The following DZIP1L variants were observed in gnomAD, a reference collection of about 807,000 sequenced individuals.
The protein encoded by DZIP1L is DAZ interacting zinc finger protein 1 like, also known as cilium assembly protein DZIP1L.
Under a neutral mutation model 88.7 loss-of-function variants are expected in DZIP1L, and 90 were observed. The observed-to-expected ratio is 1.02, with a 90% CI of 0.86 to 1.21. The LOEUF (loss-of-function observed/expected upper bound fraction) is 1.21, where lower values mean the gene tolerates loss of function less well. DZIP1L is among the 50% of genes most tolerant of loss of function. The probability of loss-of-function intolerance (pLI) is 0.00; values close to 1 mark genes in which losing one functional copy is unlikely to be tolerated. For synonymous variants in DZIP1L, 363 were observed against 372.1 expected, an observed-to-expected ratio of 0.98 and a Z score of 0.28; for missense variants, 932 against 955.8, an observed-to-expected ratio of 0.98 and a Z score of 0.33.
intron 12 of DZIP1L, chr3:138,068,934 G>C (rs1428977945): frequency 3.2e-6 from 4 of 1,248,828 alleles, no homozygotes; most frequent in African/African-American, 3.1e-5. Flanking sequence ...AGTTTTTATG[G>C]GAAGAGAAGA....
At chr3:138,085,491 C>G (rs1943885086) in intron 7 of DZIP1L, among the ~76,000 whole-genome samples, 1 of 152,130 alleles carries the variant, frequency 6.6e-6, no homozygotes, top group Admixed American at 6.5e-5. Flanking sequence ...ATGCAACCAA[C>G]AGACACATGA....
chr3:138,087,053 G>A (rs745444439), intron 6 of DZIP1L, 30 bp from the exon 7 acceptor site: 7 of 1,607,176 alleles, frequency 4.4e-6, no homozygotes, highest in Non-Finnish European at 5.1e-6. Context: ...TATCAAATGG[G>A]CCCTTGCAGG....
chr3:138,068,051 C>G (rs572529891), intron 13 of DZIP1L, 100 bp downstream of exon 13: 2 of 1,077,976 alleles, frequency 1.9e-6, no homozygotes, highest in East Asian at 3.1e-5. Flanking sequence ...TGTCTGCCCC[C>G]CTCCTATCTG....
intron 1 of DZIP1L, among the ~76,000 whole-genome samples, chr3:138,105,642 G>A (rs1188322152): frequency 1.3e-5 from 2 of 151,958 alleles, no homozygotes; most frequent in Admixed American, 6.6e-5. Flanking sequence ...CAGTACAGAA[G>A]AAACTATCCT....
chr3:138,088,423 G>A lies in DZIP1L; in HGVS notation c.955C>T (p.Gln319Ter). The A allele has an allele frequency of 6.2e-7, 1 of 1,613,728 alleles. No individual in the cohort carries two copies. The highest frequency in any genetic ancestry group is 1.1e-5 in the South Asian group (1 of 91,014). Residue 319 changes from glutamine (Q) to a stop codon, truncating the protein, a stop_gained, in exon 6 of 16, where the codon CAG becomes TAG. Coordinates refer to ENST00000327532, the MANE Select transcript of DZIP1L (RefSeq NM_173543.3). LOFTEE classifies it high-confidence loss of function. ...CTCAGGGCCTGAAGCTCCCGTGCCT[G>A]CCGAAGCCACTCCTCTGACTCCTCA... is the stretch of plus-strand genomic sequence containing the variant. ...RDEESEEWLR[Q>*]ARELQALREK...
intron 14 of DZIP1L, among the ~76,000 whole-genome samples, chr3:138,065,071 G>C (rs1345885068): frequency 6.6e-6 from 1 of 152,218 alleles, no homozygotes; most frequent in African/African-American, 2.4e-5. Context: ...TGCTCAGTGT[G>C]GGGAATGAAC....
At position 138,094,946 on chromosome 3, in the gene DZIP1L, C is replaced by T. The variant is rs577466300; in HGVS notation, c.624G>A (p.Val208=). Residue 208 remains valine (V), a synonymous_variant, in exon 4 of 16, where the codon GTG becomes GTA. Transcript: ENST00000327532. ...QKKQEQPVEE[V]LEELRAKLKW... ...TTAGCTTGGCCCGTAGCTCTTCTAA[C>T]ACCTCTTCCACTGGCTGTTCCTGTT... 3 of 1,614,280 alleles carry T rather than the reference C, an allele frequency of 1.9e-6. No individual in the cohort carries two copies. Among genetic ancestry groups the T allele is most frequent in the South Asian group, 1.1e-5 (1 of 91,092 alleles).
intron 11 of DZIP1L, among the ~76,000 whole-genome samples, chr3:138,075,536 T>C (rs775355924): frequency 2.0e-5 from 3 of 152,206 alleles, no homozygotes; most frequent in Non-Finnish European, 2.9e-5. Flanking sequence ...GGAAATTAAA[T>C]AACCTGTTCC....
chr3:138,103,564 G>A lies in DZIP1L; in HGVS notation c.408C>T (p.Leu136=). Residue 136 remains leucine, a synonymous_variant, in exon 2 of 16, where the codon CTC becomes CTT. Coordinates refer to ENST00000327532, the MANE Select transcript of DZIP1L (RefSeq NM_173543.3). ...QQELGRQADE[L]KGVREESRRR... is the part of the protein sequence containing the mutation. ...GGCGGCTCTCCTCCCGCACACCCTT[G>A]AGCTCGTCAGCCTGGCGTCCCAGCT... is the stretch of plus-strand genomic sequence containing the variant. The A allele has an allele frequency of 1.2e-6, 2 of 1,608,820 alleles. No individual in the cohort carries two copies. The highest frequency in any genetic ancestry group is 1.1e-5 in the South Asian group (1 of 90,940).
Position 138,087,002 on chromosome 3 carries a change from C to G in DZIP1L, c.1021G>C (p.Val341Leu), listed in dbSNP as rs775571191. ...ATGTGCTCTTCATGCAGTTCCTTCA[C>G]TTTTCTTTTCCACTCCGTTTTCTGA... ...EIQKTEWKRK[V>L]KELHEEHMAE... Residue 341 changes from valine to leucine, a missense_variant, in exon 7 of 16, where the codon GTG (valine) becomes CTG (leucine). Transcript: ENST00000327532. 1 of 1,614,088 alleles carries G rather than the reference C, an allele frequency of 6.2e-7. No homozygotes were observed.
At chr3:138,065,679 A>T (rs1397830250) in intron 14 of DZIP1L, among the ~76,000 whole-genome samples, 5 of 152,368 alleles carry the variant, frequency 3.3e-5, no homozygotes, top group African/African-American at 1.2e-4. Flanking sequence ...AAACATGGCC[A>T]AGTACTGCAG....
At chr3:138,112,030 C>A (rs1277790033) in intron 1 of DZIP1L, among the ~76,000 whole-genome samples, 1 of 151,390 alleles carries the variant, frequency 6.6e-6, no homozygotes, top group Non-Finnish European at 1.5e-5. Flanking sequence ...TGGAGCAGAA[C>A]TGTGGAACTT....
intron 2 of DZIP1L, chr3:138,101,845 G>T: frequency 7.6e-7 from 1 of 1,318,764 alleles, no homozygotes; most frequent in Non-Finnish European, 1.1e-6. Context: ...GTCCTGCTTG[G>T]CCCGCTGCAG....
chr3:138,064,893 G>C, intron 14 of DZIP1L, 126 bp from the exon 15 acceptor site: 1 of 1,373,248 alleles, frequency 7.3e-7, no homozygotes, highest in South Asian at 1.5e-5. Context: ...GAGGAAGAAG[G>C]CTGAGCAACC....
At chr3:138,101,201 T>A (rs1439538424) in intron 2 of DZIP1L, among the ~76,000 whole-genome samples, 2 of 151,160 alleles carry the variant, frequency 1.3e-5, no homozygotes, top group African/African-American at 4.9e-5. Context: ...ATACCCTTCA[T>A]TCATTCACAC....
intron 11 of DZIP1L, among the ~76,000 whole-genome samples, chr3:138,075,830 G>A (rs543493563): frequency 3.3e-5 from 5 of 152,250 alleles, no homozygotes; most frequent in African/African-American, 9.6e-5. Context: ...GGGGTGGCAC[G>A]TGCCTGTAAT....
chr3:138,098,576 G>T (rs1944581390), intron 2 of DZIP1L, among the ~76,000 whole-genome samples: 2 of 152,186 alleles, frequency 1.3e-5, no homozygotes, highest in Admixed American at 1.3e-4. Flanking sequence ...TCCATAGGCA[G>T]ATTATTTGCT....
chr3:138,064,487 G>C, intron 15 of DZIP1L, 141 bp downstream of exon 15: 2 of 1,611,332 alleles, frequency 1.2e-6, no homozygotes. Context: ...CACAGGGGCA[G>C]AGGGAGGTCA....
At position 138,103,560 on chromosome 3, in the gene DZIP1L, C is replaced by G. The variant is rs1308651344; in HGVS notation, c.412G>C (p.Gly138Arg). The G allele has an allele frequency of 1.2e-6, 2 of 1,609,366 alleles. No individual in the cohort carries two copies. Among genetic ancestry groups the G allele is most frequent in the Admixed American group, 3.3e-5 (2 of 59,946 alleles). ...CGCCGGCGGCTCTCCTCCCGCACAC[C>G]CTTGAGCTCGTCAGCCTGGCGTCCC... The part of the protein sequence containing the change: ...ELGRQADELK[G>R]VREESRRRRK... The change falls in exon 2 of 16, where the codon GGT (glycine) becomes CGT (arginine). Residue 138 changes from glycine (G) to arginine (R), a missense_variant. Physicochemically the swap from Gly to Arg is moderately radical, Grantham distance 125. Transcript: ENST00000327532.
Sources: gnomAD v4.1 joint callset for allele counts (sites outside exome capture counted in the v4.1 genomes callset) on GRCh38, gnomAD v4.1.1 for gene constraint, MANE v1.5 for transcripts, NCBI Gene and HGNC (gene_info 2026-07-23, HGNC 2026-07-21) for gene names.